LYPLAL1: variants seen among roughly 807,000 people sequenced by gnomAD.
LYPLAL1 encodes the protein lysophospholipase like 1.
In LYPLAL1, 23 loss-of-function variants were observed where a neutral mutation model predicts 19.7. That is an observed-to-expected ratio of 1.17 (90% confidence interval 0.84 to 1.65). The LOEUF (loss-of-function observed/expected upper bound fraction) is 1.65, where lower values mean the gene tolerates loss of function less well. Ranked by LOEUF, LYPLAL1 falls within the 40% of genes most tolerant of loss-of-function variation. LYPLAL1 has a pLI of 0.00. For synonymous variants in LYPLAL1, 119 were observed against 96.3 expected (o/e 1.24, Z -1.38); for missense variants, 355 against 279.4 (o/e 1.27, Z -1.93).
chr1:219,184,973 G>A (rs1217553986), intron 2 of LYPLAL1, among the ~76,000 whole-genome samples: 1 of 151,858 alleles, frequency 6.6e-6, no homozygotes, highest in Non-Finnish European at 1.5e-5. Context: ...CTCTGTGTCT[G>A]AGTTTATGTT....
At chr1:219,364,163 A>G in the LYPLAL1 span, among the ~76,000 whole-genome samples, 1 of 152,148 alleles carries the variant, frequency 6.6e-6, no homozygotes, top group African/African-American at 2.4e-5. Context: ...TGGTGCATGA[A>G]ATATTGAAAG....
the LYPLAL1 span, among the ~76,000 whole-genome samples, chr1:219,316,500 T>C: frequency 6.6e-6 from 1 of 152,088 alleles, no homozygotes; most frequent in Non-Finnish European, 1.5e-5. Context: ...TTTGAAAAAG[T>C]TTGAGAAGGA....
the LYPLAL1 span, among the ~76,000 whole-genome samples, chr1:219,231,209 C>T: frequency 3.9e-5 from 6 of 152,042 alleles, no homozygotes; most frequent in Non-Finnish European, 8.8e-5. Context: ...GGGTGAATAC[C>T]TTGCATACAT....
chr1:219,289,749 C>T, the LYPLAL1 span, among the ~76,000 whole-genome samples: 5 of 152,232 alleles, frequency 3.3e-5, 1 homozygote, highest in East Asian at 7.7e-4. Context: ...CACAATTGCT[C>T]GCGCCATCCT....
At chr1:219,248,095 G>A in the LYPLAL1 span, among the ~76,000 whole-genome samples, 3 of 152,112 alleles carry the variant, frequency 2.0e-5, no homozygotes, top group African/African-American at 2.4e-5. Flanking sequence ...TCAGAGAAAA[G>A]TATTACTTCA....
chr1:219,275,951 G>A, the LYPLAL1 span, among the ~76,000 whole-genome samples: 1 of 152,078 alleles, frequency 6.6e-6, no homozygotes, highest in African/African-American at 2.4e-5. Context: ...TTTTCTTCCA[G>A]AGAATTGGAG....
chr1:219,360,037 C>T, the LYPLAL1 span, among the ~76,000 whole-genome samples: 1 of 152,118 alleles, frequency 6.6e-6, no homozygotes, highest in Non-Finnish European at 1.5e-5. Flanking sequence ...TCATGTATCC[C>T]GAAACAGCAC....
the LYPLAL1 span, among the ~76,000 whole-genome samples, chr1:219,240,628 C>A: frequency 3.3e-5 from 5 of 152,008 alleles, no homozygotes; most frequent in African/African-American, 1.2e-4. Context: ...TTATAAAAGC[C>A]AAATTCCCCA....
At chr1:219,189,030 C>A (rs1656941902) in intron 2 of LYPLAL1, among the ~76,000 whole-genome samples, 1 of 151,678 alleles carries the variant, frequency 6.6e-6, no homozygotes, top group Non-Finnish European at 1.5e-5. Context: ...TTCTCAATTA[C>A]TCCATTTGAA....
chr1:219,375,267 G>C, the LYPLAL1 span, among the ~76,000 whole-genome samples: 1 of 152,098 alleles, frequency 6.6e-6, no homozygotes. Flanking sequence ...AGGAGTTTGA[G>C]ACCAACCTGA....
chr1:219,363,171 G>T, the LYPLAL1 span, among the ~76,000 whole-genome samples: 1 of 152,248 alleles, frequency 6.6e-6, no homozygotes, highest in South Asian at 2.1e-4. Flanking sequence ...GTGAGGGGAA[G>T]TATTTAAGTA....
At chr1:219,379,812 T>A in the LYPLAL1 span, among the ~76,000 whole-genome samples, 2 of 152,270 alleles carry the variant, frequency 1.3e-5, no homozygotes, top group Non-Finnish European at 2.9e-5. Context: ...TACATGTCAG[T>A]TCTTTCAGGA....
chr1:219,214,610 T>C (rs995819799), downstream of LYPLAL1, among the ~76,000 whole-genome samples: 18 of 152,026 alleles, frequency 1.2e-4, no homozygotes, highest in African/African-American at 4.3e-4. Context: ...ATGCTACTTT[T>C]GTTATTTTGC....
At chr1:219,176,471 T>C (rs935419998) in intron 1 of LYPLAL1, among the ~76,000 whole-genome samples, 7 of 152,214 alleles carry the variant, frequency 4.6e-5, no homozygotes, top group African/African-American at 2.4e-5. Context: ...TCAGGCTCTA[T>C]GTCGCTCAAT....
the LYPLAL1 span, among the ~76,000 whole-genome samples, chr1:219,306,802 A>G: frequency 1.5e-5 from 2 of 135,850 alleles, no homozygotes; most frequent in South Asian, 2.4e-4. Flanking sequence ...AGACAGATGC[A>G]TAGATAGATA....
At chr1:219,352,467 G>C in the LYPLAL1 span, among the ~76,000 whole-genome samples, 1 of 152,262 alleles carries the variant, frequency 6.6e-6, no homozygotes, top group East Asian at 1.9e-4. Flanking sequence ...GCAGTAAGCC[G>C]AGATCGCGCC....
the LYPLAL1 span, among the ~76,000 whole-genome samples, chr1:219,404,842 G>T: frequency 6.6e-6 from 1 of 152,160 alleles, no homozygotes; most frequent in African/African-American, 2.4e-5. Flanking sequence ...ACCATGATTT[G>T]CTCATTACAC....
At chr1:219,379,501 CT>C in the LYPLAL1 span, among the ~76,000 whole-genome samples, 1 of 152,164 alleles carries the variant, frequency 6.6e-6, no homozygotes, top group Non-Finnish European at 1.5e-5. Context: ...GTTTTTACTA[CT>C]TTGAAATGAC....
chr1:219,269,601 A>G, the LYPLAL1 span, among the ~76,000 whole-genome samples: 1 of 152,232 alleles, frequency 6.6e-6, no homozygotes, highest in African/African-American at 2.4e-5. Flanking sequence ...CATCTAGGCC[A>G]ATTAATCTAT....
Sources: allele counts gnomAD v4.1 joint callset (sites outside exome capture counted in the v4.1 genomes callset), GRCh38; gene constraint gnomAD v4.1.1; transcripts MANE v1.5; gene names NCBI Gene and HGNC (gene_info 2026-07-23, HGNC 2026-07-21).